The following FRAS1 variants were observed in gnomAD, a reference collection of about 807,000 sequenced individuals.
FRAS1 encodes the protein extracellular matrix organizing protein FRAS1.
A neutral mutation model predicts 435.2 loss-of-function variants in FRAS1; 290 were observed. That is an observed-to-expected ratio of 0.67 (90% CI 0.61 to 0.73). The LOEUF (loss-of-function observed/expected upper bound fraction) is 0.73, where lower values mean the gene tolerates loss of function less well. FRAS1 is among the 30% of genes least tolerant of loss of function. The pLI is 0.00. For synonymous variants in FRAS1, 1,800 were observed against 1,851.0 expected, an observed-to-expected ratio of 0.97 and a Z score of 0.71; for missense variants, 4,860 against 5,001.5, an observed-to-expected ratio of 0.97 and a Z score of 0.85.
chr4:78,429,156 T>A lies in FRAS1; in HGVS notation c.4773T>A (p.Asp1591Glu). 1 of 1,593,770 alleles carries A rather than the reference T, an allele frequency of 6.3e-7. No homozygotes were observed. Among genetic ancestry groups the A allele is most frequent in the Non-Finnish European group, 8.5e-7 (1 of 1,170,148 alleles). Residue 1591 changes from aspartate (D) to glutamate (E), a missense_variant, in exon 36 of 74, where the codon GAT becomes GAA. Coordinates refer to ENST00000512123, the MANE Select transcript of FRAS1 (RefSeq NM_025074.7). ...MVLTIHLLPS[D>E]QQLPVFQVTA... ...TCACCATTCACTTACTTCCCAGTGA[T>A]CAGCAACTGCCAGTGTTCCAGGTCA...
intron 58 of FRAS1, among the ~76,000 whole-genome samples, chr4:78,486,742 C>T (rs1216991065): frequency 6.6e-6 from 1 of 152,072 alleles, no homozygotes; most frequent in Admixed American, 6.5e-5. Flanking sequence ...CAGTCTCCCA[C>T]TGGTCTGGGG....
intron 2 of FRAS1, among the ~76,000 whole-genome samples, chr4:78,195,560 A>T (rs1722766412): frequency 6.6e-6 from 1 of 152,046 alleles, no homozygotes; most frequent in Non-Finnish European, 1.5e-5. Context: ...TGGGCGTAGG[A>T]CCCTTCGAGC....
At chr4:78,207,577 C>T (rs543965269) in intron 2 of FRAS1, among the ~76,000 whole-genome samples, 2 of 152,240 alleles carry the variant, frequency 1.3e-5, no homozygotes, top group East Asian at 3.9e-4. Flanking sequence ...CTAGTAGGCT[C>T]CATAATCCTC....
intron 2 of FRAS1, among the ~76,000 whole-genome samples, chr4:78,123,997 G>C (rs1213115229): frequency 2.0e-5 from 3 of 152,162 alleles, no homozygotes; most frequent in Non-Finnish European, 4.4e-5. Context: ...GCCCTGGCCA[G>C]AACTTCCAAT....
In FRAS1 at chr4:78,522,778, A is replaced by C. The variant is rs1415849310; in HGVS notation, c.10778A>C (p.Gln3593Pro). 1.2e-6 allele frequency: 2 copies of C among 1,611,592 alleles called. No individual in the cohort carries two copies. ...GCTCAGACTTTTGATTCTCCACATC[A>C]ACTCTGGAGAGCCACAAGCTCTTAT... The part of the protein sequence containing the change: ...WSAQTFDSPH[Q>P]LWRATSSYNR... The change falls in exon 69 of 74, where the codon CAA becomes CCA. Residue 3593 changes from glutamine (Q) to proline (P), a missense_variant. By Grantham distance (76) the Gln-to-Pro change is moderately conservative. Transcript: ENST00000512123.
chr4:78,242,583 G>T (rs1461336840), intron 3 of FRAS1, among the ~76,000 whole-genome samples: 1 of 152,164 alleles, frequency 6.6e-6, no homozygotes, highest in African/African-American at 2.4e-5. Context: ...TTACAGGCAT[G>T]TGCCACCACA....
Position 78,069,055 on chromosome 4 carries a change from G to T in FRAS1, c.108+3039G>T, listed in dbSNP as rs1428533229. The stretch of plus-strand genomic sequence containing the variant: ...TTATACAACTTTTTGGGTGACAAAG[G>T]CTTCTAGTGTAAGAGGCGTCATTTT... On this transcript the variant is annotated intron_variant, in intron 2 of 73. Coordinates refer to ENST00000512123, the MANE Select transcript of FRAS1 (RefSeq NM_025074.7). 2.0e-5 allele frequency among the ~76,000 whole-genome samples: 3 copies of T among 152,170 alleles called. No homozygotes were observed. The East Asian group carries it at 5.8e-4, about 29-fold the overall frequency.
At chr4:78,475,765 G>A (rs983948831) in intron 54 of FRAS1, among the ~76,000 whole-genome samples, 159 bp downstream of exon 54, 1 of 152,194 alleles carries the variant, frequency 6.6e-6, no homozygotes, top group African/African-American at 2.4e-5. Flanking sequence ...ATAGTACTTT[G>A]TTCTTCACAG....
At chr4:78,070,758 C>T (rs1395217679) in intron 2 of FRAS1, 2 of 152,202 alleles carry the variant, frequency 1.3e-5, no homozygotes, top group African/African-American at 2.4e-5. Context: ...AAAAAACTCT[C>T]CTTTTGCATC....
chr4:78,264,432 G>A (rs530988406), intron 6 of FRAS1, among the ~76,000 whole-genome samples: 30 of 152,194 alleles, frequency 2.0e-4, no homozygotes, highest in African/African-American at 5.3e-4. Context: ...CCTCTCCAAT[G>A]CACATATAAA....
intron 2 of FRAS1, among the ~76,000 whole-genome samples, chr4:78,201,372 G>A (rs1275201571): frequency 1.3e-5 from 2 of 152,208 alleles, no homozygotes; most frequent in African/African-American, 4.8e-5. Flanking sequence ...GGAATCACAA[G>A]ATTTCAAAAA....
intron 20 of FRAS1, among the ~76,000 whole-genome samples, chr4:78,345,004 T>A (rs1434433089): frequency 6.6e-6 from 1 of 152,194 alleles, no homozygotes. Context: ...AGAATCTACA[T>A]AATTGTCATT....
At chr4:78,275,202 G>A (rs1726937939) in intron 9 of FRAS1, among the ~76,000 whole-genome samples, 1 of 152,032 alleles carries the variant, frequency 6.6e-6, no homozygotes. Context: ...TTGAGACTAT[G>A]TGTGTCTCTG....
chr4:78,104,131 A>G (rs1742272481), intron 2 of FRAS1, among the ~76,000 whole-genome samples: 1 of 152,232 alleles, frequency 6.6e-6, no homozygotes, highest in South Asian at 2.1e-4. Context: ...AACTTCTTCC[A>G]GGAATGTTTG....
chr4:78,062,279 A>G (rs1464398011), intron 1 of FRAS1, among the ~76,000 whole-genome samples: 1 of 152,086 alleles, frequency 6.6e-6, no homozygotes, highest in Non-Finnish European at 1.5e-5. Flanking sequence ...CATTTTAACT[A>G]CTCTATTAAT....
In FRAS1 at chr4:78,534,429, T is replaced by G. The variant is rs1300637550; in HGVS notation, c.10926-20T>G. The G allele has an allele frequency of 6.2e-7, 1 of 1,604,798 alleles. No homozygotes were observed. Among genetic ancestry groups the G allele is most frequent in the South Asian group, 1.1e-5 (1 of 89,678 alleles). On this transcript the variant is annotated intron_variant, in intron 70 of 73. Transcript: ENST00000512123. ...GCTGACCCTGCTCTCAAAGAGCTCT[T>G]TGTTTCTCCTTGCATTTAGATTCCT...
At chr4:78,529,561 T>G (rs760737705) in intron 70 of FRAS1, among the ~76,000 whole-genome samples, 2 of 152,154 alleles carry the variant, frequency 1.3e-5, no homozygotes, top group Admixed American at 6.5e-5. Context: ...CATGTATACT[T>G]CTACATGGTT....
chr4:78,184,052 T>C (rs963354567), intron 2 of FRAS1, among the ~76,000 whole-genome samples: 3 of 152,166 alleles, frequency 2.0e-5, no homozygotes, highest in African/African-American at 7.2e-5. Flanking sequence ...CAGAGCCACC[T>C]ACTCAGAATC....
chr4:78,276,287 G>A (rs1278966578), intron 9 of FRAS1, among the ~76,000 whole-genome samples: 1 of 152,126 alleles, frequency 6.6e-6, no homozygotes, highest in African/African-American at 2.4e-5. Context: ...GGAGAAGTTT[G>A]ATCATCTGAA....
Sources: allele counts gnomAD v4.1 joint callset (sites outside exome capture counted in the v4.1 genomes callset), GRCh38; gene constraint gnomAD v4.1.1; transcripts MANE v1.5; gene names NCBI Gene and HGNC (gene_info 2026-07-23, HGNC 2026-07-21).